PDE1C: variants seen among roughly 807,000 people sequenced by gnomAD.
PDE1C encodes the protein dual specificity calcium/calmodulin-dependent 3',5'-cyclic nucleotide phosphodiesterase 1C.
In PDE1C, 62 loss-of-function variants were observed where a neutral mutation model predicts 93.1. The ratio of observed to expected loss-of-function variants is 0.67; its 90% CI spans 0.54 to 0.82. PDE1C has a LOEUF of 0.82. Among genes scored for constraint, PDE1C ranks in the 40% least tolerant of loss-of-function variants. The probability of loss-of-function intolerance (pLI) is 0.00; values close to 1 mark genes in which losing one functional copy is unlikely to be tolerated. For synonymous variants in PDE1C, 325 were observed against 310.1 expected, an observed-to-expected ratio of 1.05 and a Z score of -0.50; for missense variants, 742 against 884.6, an observed-to-expected ratio of 0.84 and a Z score of 2.04.
At chr7:32,408,120 A>C (rs2128097201) in intron 1 of PDE1C, among the ~76,000 whole-genome samples, 1 of 152,338 alleles carries the variant, frequency 6.6e-6, no homozygotes, top group African/African-American at 2.4e-5. Flanking sequence ...CTGGGCAGGA[A>C]AGAGAAAAGA....
At chr7:32,029,668 G>C (rs1463611449) in intron 2 of PDE1C, among the ~76,000 whole-genome samples, 1 of 152,110 alleles carries the variant, frequency 6.6e-6, no homozygotes, top group Non-Finnish European at 1.5e-5. Context: ...TCGAGTTTAA[G>C]AGCAGGATTC....
chr7:32,077,758 A>G lies in PDE1C; in HGVS notation c.308+92027T>C, dbSNP rs542447181. 19 of 521,564 alleles carry G rather than the reference A, an allele frequency of 3.6e-5. No individual in the cohort carries two copies. The African/African-American group carries it at 3.9e-4, about 11-fold the overall frequency. 32.3% of individuals were successfully genotyped at this position (521,564 alleles called of 1,614,324 possible). On this transcript the variant is annotated intron_variant, in intron 3 of 18. Transcript: ENST00000396193. ...GCTAATTTTTGTATTTTTAGTAGAG[A>G]CGGGGTTTCACCATCTTGGCCAGGC...
chr7:31,929,853 T>C (rs1318003400), intron 2 of PDE1C, among the ~76,000 whole-genome samples: 2 of 151,570 alleles, frequency 1.3e-5, no homozygotes, highest in Non-Finnish European at 3.0e-5. Flanking sequence ...AATATCACAA[T>C]TAAAAGAACT....
the PDE1C span, among the ~76,000 whole-genome samples, chr7:31,622,694 A>C: frequency 6.6e-6 from 1 of 152,190 alleles, no homozygotes; most frequent in African/African-American, 2.4e-5. Flanking sequence ...CACAATTAAA[A>C]GAACTAGAAA....
At chr7:32,311,390 C>T (rs1164255267) in intron 1 of PDE1C, among the ~76,000 whole-genome samples, 1 of 152,180 alleles carries the variant, frequency 6.6e-6, no homozygotes, top group Non-Finnish European at 1.5e-5. Flanking sequence ...GGGAATCCTC[C>T]CTAACTAATT....
At chr7:32,315,750 C>G in intron 1 of PDE1C, among the ~76,000 whole-genome samples, 1 of 152,210 alleles carries the variant, frequency 6.6e-6, no homozygotes, top group East Asian at 1.9e-4. Context: ...AATCCCAGCA[C>G]TTTGGGAGGC....
intron 11 of PDE1C, 121 bp from the exon 12 acceptor site, chr7:31,828,494 T>A: frequency 1.6e-6 from 1 of 636,164 alleles, no homozygotes; most frequent in Non-Finnish European, 2.7e-6. Flanking sequence ...ACAATTACAT[T>A]ATAAAATAAG....
At chr7:32,032,361 C>T (rs969226722) in intron 2 of PDE1C, among the ~76,000 whole-genome samples, 1 of 152,178 alleles carries the variant, frequency 6.6e-6, no homozygotes, top group African/African-American at 2.4e-5. Context: ...CAAGGCCAGG[C>T]TTCCTATTCT....
intron 1 of PDE1C, among the ~76,000 whole-genome samples, chr7:32,239,359 C>T (rs1808376573): frequency 6.6e-6 from 1 of 152,132 alleles, no homozygotes; most frequent in African/African-American, 2.4e-5. Flanking sequence ...CACTATTACA[C>T]TCCAGCCCAA....
chr7:31,744,238 A>T, the PDE1C span, among the ~76,000 whole-genome samples: 1,798 of 152,164 alleles, frequency 0.012, 43 homozygotes, highest in African/African-American at 0.04. Flanking sequence ...TTCTTCACAG[A>T]TTAAGGTTTC....
intron 2 of PDE1C, among the ~76,000 whole-genome samples, chr7:31,956,133 G>A (rs113670245): frequency 2.6e-5 from 4 of 151,712 alleles, no homozygotes; most frequent in South Asian, 2.1e-4. Flanking sequence ...AGACAGAGTC[G>A]CCCAGGCTGG....
intron 1 of PDE1C, among the ~76,000 whole-genome samples, chr7:32,288,823 A>T (rs898017646): frequency 6.6e-6 from 1 of 152,236 alleles, no homozygotes; most frequent in African/African-American, 2.4e-5. Flanking sequence ...AGAGAAAAAC[A>T]ATGCCAGCTT....
rs148585711 is a variant in PDE1C at position 32,096,162 on chromosome 7, T to C, written c.308+73623A>G. ...CAAGACTTCATGGACCATGGAAAAC[T>C]CTACTCAGCCCTGCCTTTTATGGAT... On this transcript the variant is annotated intron_variant, in intron 3 of 18. Coordinates refer to the PDE1C transcript ENST00000396193. 1.1e-4 allele frequency among the ~76,000 whole-genome samples: 16 copies of C among 152,286 alleles called. 1 individual carries two copies. The highest frequency in any genetic ancestry group is 2.6e-4 in the Admixed American group (4 of 15,294).
intron 2 of PDE1C, among the ~76,000 whole-genome samples, chr7:31,959,148 A>T (rs1322842081): frequency 6.6e-6 from 1 of 152,226 alleles, no homozygotes; most frequent in Non-Finnish European, 1.5e-5. Context: ...TTACAAAAAA[A>T]TATAATTCAT....
At chr7:31,692,965 T>A in the PDE1C span, among the ~76,000 whole-genome samples, 2 of 152,254 alleles carry the variant, frequency 1.3e-5, no homozygotes, top group African/African-American at 4.8e-5. Context: ...TTCTGCTTTA[T>A]TGTCAATCTG....
intron 9 of PDE1C, among the ~76,000 whole-genome samples, chr7:31,847,426 A>C (rs1257894271): frequency 6.6e-6 from 1 of 152,146 alleles, no homozygotes; most frequent in East Asian, 1.9e-4. Flanking sequence ...ATTTCCTTAG[A>C]AAATGTCAAA....
the PDE1C span, among the ~76,000 whole-genome samples, chr7:31,628,518 C>T: frequency 1.3e-5 from 2 of 149,942 alleles, no homozygotes; most frequent in South Asian, 2.1e-4. Context: ...AGTACAGTGG[C>T]GCGACCTCAG....
chr7:32,146,298 C>G (rs1444423413), intron 3 of PDE1C, among the ~76,000 whole-genome samples: 2 of 152,170 alleles, frequency 1.3e-5, no homozygotes, highest in South Asian at 4.1e-4. Context: ...CAAGTCAACA[C>G]AAATGCATTA....
At chr7:32,300,883 G>T (rs1332551073), upstream of PDE1C, among the ~76,000 whole-genome samples, 1 of 151,844 alleles carries the variant, frequency 6.6e-6, no homozygotes, top group South Asian at 2.1e-4. Context: ...TGCTGCCCAG[G>T]CTGGAGTGCA....
Sources: allele counts gnomAD v4.1 joint callset (sites outside exome capture counted in the v4.1 genomes callset), GRCh38; gene constraint gnomAD v4.1.1; transcripts MANE v1.5; gene names NCBI Gene and HGNC (gene_info 2026-07-23, HGNC 2026-07-21).